Variants in IGBP1C observed in about 807,000 individuals in gnomAD.
IGBP1C encodes IGBP1 family member C, also known as immunoglobulin-binding protein 1 family member C.
At chr17:58,674,047 G>A in the IGBP1C span, among the ~76,000 whole-genome samples, 1 of 152,168 alleles carries the variant, frequency 6.6e-6, no homozygotes, top group East Asian at 1.9e-4. Context: ...GCCAAGGCGG[G>A]CAGATTGCCT....
At chr17:58,667,807 C>A in the IGBP1C span, among the ~76,000 whole-genome samples, 3 of 151,946 alleles carry the variant, frequency 2.0e-5, no homozygotes, top group South Asian at 6.2e-4. Context: ...ACTGCTTGAA[C>A]CCGGGAGGCG....
At chr17:58,668,665 T>G in the IGBP1C span, among the ~76,000 whole-genome samples, 1 of 152,186 alleles carries the variant, frequency 6.6e-6, no homozygotes, top group African/African-American at 2.4e-5. Context: ...TTAAAATCCA[T>G]GTAGTCATCC....
At chr17:58,686,657 G>C in the IGBP1C span, among the ~76,000 whole-genome samples, 2 of 151,794 alleles carry the variant, frequency 1.3e-5, no homozygotes. Context: ...TCAAAGAGTC[G>C]TGGACAACAA....
At chr17:58,667,600 G>C in the IGBP1C span, among the ~76,000 whole-genome samples, 2 of 152,160 alleles carry the variant, frequency 1.3e-5, no homozygotes, top group Admixed American at 1.3e-4. Flanking sequence ...AAGATTCTTT[G>C]CTGGCCGGGT....
chr17:58,680,763 C>A, the IGBP1C span, among the ~76,000 whole-genome samples: 2 of 152,034 alleles, frequency 1.3e-5, no homozygotes, highest in Non-Finnish European at 2.9e-5. Flanking sequence ...ACCAAAAAAA[C>A]AAATTAGAAT....
the IGBP1C span, chr17:58,660,553 C>CA: frequency 5.0e-5 from 39 of 775,232 alleles, no homozygotes; most frequent in Admixed American, 6.8e-4. Flanking sequence ...GTGCACCCTG[C>CA]AGTCCTGCGG....
chr17:58,674,372 T>C, the IGBP1C span, among the ~76,000 whole-genome samples: 1 of 151,964 alleles, frequency 6.6e-6, no homozygotes, highest in Non-Finnish European at 1.5e-5. Flanking sequence ...GAATAACTTA[T>C]TTATGATGAA....
the IGBP1C span, among the ~76,000 whole-genome samples, chr17:58,671,250 G>T: frequency 2.0e-5 from 3 of 152,168 alleles, no homozygotes; most frequent in Non-Finnish European, 4.4e-5. Flanking sequence ...ACTAGAGAGG[G>T]TTTCTTTTGT....
At chr17:58,689,820 A>G in the IGBP1C span, among the ~76,000 whole-genome samples, 1 of 152,042 alleles carries the variant, frequency 6.6e-6, no homozygotes, top group Admixed American at 6.6e-5. Context: ...GATGATGAAA[A>G]TAATTATTAT....
At chr17:58,686,683 C>G in the IGBP1C span, among the ~76,000 whole-genome samples, 1 of 151,964 alleles carries the variant, frequency 6.6e-6, no homozygotes, top group Non-Finnish European at 1.5e-5. Context: ...TATTGGGCTT[C>G]TATTATGTAT....
chr17:58,663,370 C>T, the IGBP1C span, among the ~76,000 whole-genome samples: 5 of 145,550 alleles, frequency 3.4e-5, no homozygotes, highest in East Asian at 4.0e-4. Flanking sequence ...TGCAGTAAGC[C>T]GAGATCACAC....
the IGBP1C span, among the ~76,000 whole-genome samples, chr17:58,683,321 T>A: frequency 0.017 from 2,543 of 148,334 alleles, 32 homozygotes; most frequent in Non-Finnish European, 0.028. Context: ...TGCAGTGAGC[T>A]GAGATCACAC....
At chr17:58,666,177 T>C in the IGBP1C span, among the ~76,000 whole-genome samples, 1 of 151,958 alleles carries the variant, frequency 6.6e-6, no homozygotes, top group Non-Finnish European at 1.5e-5. Context: ...ACGCCATCTC[T>C]ACTAAAAATG....
chr17:58,680,309 A>G, the IGBP1C span, among the ~76,000 whole-genome samples: 1 of 152,198 alleles, frequency 6.6e-6, no homozygotes, highest in South Asian at 2.1e-4. Context: ...TCCAGTCTAC[A>G]TATCTGAAAA....
At chr17:58,669,690 C>T in the IGBP1C span, among the ~76,000 whole-genome samples, 10 of 141,840 alleles carry the variant, frequency 7.1e-5, no homozygotes, top group South Asian at 8.9e-4. Flanking sequence ...GCTGAGATCA[C>T]GCCACTGCAC....
chr17:58,669,498 C>T, the IGBP1C span, among the ~76,000 whole-genome samples: 5 of 151,724 alleles, frequency 3.3e-5, no homozygotes, highest in African/African-American at 1.2e-4. Flanking sequence ...TTTCGGAGGC[C>T]GAGGTTAAGT....
chr17:58,670,649 T>C, the IGBP1C span, among the ~76,000 whole-genome samples: 7 of 151,536 alleles, frequency 4.6e-5, no homozygotes, highest in African/African-American at 1.2e-4. Context: ...GGCAGGCACC[T>C]GTAATCCCAG....
the IGBP1C span, among the ~76,000 whole-genome samples, chr17:58,674,631 C>G: frequency 6.6e-6 from 1 of 152,012 alleles, no homozygotes; most frequent in East Asian, 1.9e-4. Context: ...GATCCTGCCC[C>G]TGCACTCCAG....
the IGBP1C span, among the ~76,000 whole-genome samples, chr17:58,685,550 A>C: frequency 1.3e-5 from 2 of 152,054 alleles, no homozygotes; most frequent in African/African-American, 4.8e-5. Flanking sequence ...GAGGTCTAGC[A>C]CACACAAGGA....
Sources: gnomAD v4.1 joint callset for allele counts (sites outside exome capture counted in the v4.1 genomes callset) on GRCh38, gnomAD v4.1.1 for gene constraint, MANE v1.5 for transcripts, NCBI Gene and HGNC (gene_info 2026-07-23, HGNC 2026-07-21) for gene names.